NSUN6: variants seen among roughly 807,000 people sequenced by gnomAD.
NSUN6 encodes the protein NOP2/Sun RNA methyltransferase 6, also known as tRNA (cytosine(72)-C(5))-methyltransferase NSUN6.
In NSUN6, 64 loss-of-function variants were observed where a neutral mutation model predicts 58.0. The observed-to-expected ratio is 1.10, with a 90% CI of 0.90 to 1.36. The LOEUF is 1.36. Ranked by LOEUF, NSUN6 falls within the 40% of genes most tolerant of loss-of-function variation. The pLI, the probability that NSUN6 is intolerant of heterozygous loss-of-function variation, is 0.00. For missense variants in NSUN6, 701 were observed against 550.1 expected (o/e 1.27, Z -2.74); for synonymous variants, 231 against 193.9 (o/e 1.19, Z -1.59).
intron 3 of NSUN6, among the ~76,000 whole-genome samples, chr10:18,629,974 G>A (rs1033470388): frequency 4.0e-5 from 6 of 149,448 alleles, no homozygotes; most frequent in Admixed American, 2.7e-4. Flanking sequence ...CCACACCACA[G>A]CTATTCCAAA....
intron 3 of NSUN6, among the ~76,000 whole-genome samples, chr10:18,635,062 T>C (rs2059167513): frequency 1.3e-5 from 2 of 152,168 alleles, no homozygotes; most frequent in South Asian, 2.1e-4. Context: ...GCTTTCCTTT[T>C]GGGAGTCTGG....
chr10:18,606,021 A>G (rs1036430741), intron 6 of NSUN6, among the ~76,000 whole-genome samples: 11 of 152,194 alleles, frequency 7.2e-5, no homozygotes, highest in African/African-American at 2.7e-4. Flanking sequence ...TGATGGGGGA[A>G]AAAAAGAAAT....
intron 5 of NSUN6, among the ~76,000 whole-genome samples, chr10:18,612,814 T>C (rs1010889259): frequency 6.6e-6 from 1 of 152,188 alleles, no homozygotes; most frequent in Non-Finnish European, 1.5e-5. Context: ...CATATAATAA[T>C]GCAAAGTACA....
intron 3 of NSUN6, among the ~76,000 whole-genome samples, chr10:18,619,796 A>G (rs1024211017): frequency 2.0e-5 from 3 of 152,232 alleles, no homozygotes; most frequent in African/African-American, 7.2e-5. Flanking sequence ...CAGTTGATGT[A>G]AGAAACACAC....
intron 3 of NSUN6, among the ~76,000 whole-genome samples, chr10:18,624,734 G>C (rs998472033): frequency 9.3e-5 from 6 of 64,644 alleles, no homozygotes; most frequent in African/African-American, 2.9e-4. Flanking sequence ...AAAAATTAAA[G>C]TAACAGGCTT....
intron 7 of NSUN6, among the ~76,000 whole-genome samples, chr10:18,586,512 G>A (rs918178104): frequency 2.6e-5 from 4 of 151,862 alleles, no homozygotes; most frequent in Admixed American, 2.6e-4. Context: ...CCTCCGGGTG[G>A]GTTCGTGGTC....
chr10:18,650,903 T>C (rs776546265), intron 1 of NSUN6, among the ~76,000 whole-genome samples: 1 of 152,234 alleles, frequency 6.6e-6, no homozygotes, highest in Non-Finnish European at 1.5e-5. Context: ...ACATGCCTTT[T>C]TTCCCTTCTT....
chr10:18,657,179 A>G (rs1165670624), upstream of NSUN6, among the ~76,000 whole-genome samples: 1 of 152,148 alleles, frequency 6.6e-6, no homozygotes, highest in African/African-American at 2.4e-5. Context: ...CATCAGCATG[A>G]TATCTGTTTA....
intron 10 of NSUN6, among the ~76,000 whole-genome samples, chr10:18,547,735 C>T (rs1322969613): frequency 6.6e-6 from 1 of 152,022 alleles, no homozygotes; most frequent in African/African-American, 2.4e-5. Flanking sequence ...CTCATTTGAG[C>T]TTTGATGTGA....
intron 9 of NSUN6, among the ~76,000 whole-genome samples, chr10:18,549,710 GA>G (rs2133389166): frequency 6.6e-6 from 1 of 152,182 alleles, no homozygotes; most frequent in South Asian, 2.1e-4. Context: ...GGACTTGTCT[GA>G]AATACCTAAA....
intron 6 of NSUN6, among the ~76,000 whole-genome samples, chr10:18,605,121 G>A (rs1053391934): frequency 6.6e-6 from 1 of 150,684 alleles, no homozygotes; most frequent in Non-Finnish European, 1.5e-5. Context: ...TCCTGACCTC[G>A]TAATCCGCCC....
chr10:18,655,278 T>A, upstream of NSUN6: 10 of 264,024 alleles, frequency 3.8e-5, no homozygotes, highest in Non-Finnish European at 5.3e-5. Flanking sequence ...TTGACACCTC[T>A]GGTGTCAAGC....
intron 3 of NSUN6, among the ~76,000 whole-genome samples, chr10:18,632,556 C>A (rs377364837): frequency 6.6e-6 from 1 of 151,314 alleles, no homozygotes; most frequent in Non-Finnish European, 1.5e-5. Context: ...AACACATTTA[C>A]AAGAAAAAAA....
chr10:18,650,922 CTAAA>C (rs779499800), intron 1 of NSUN6, among the ~76,000 whole-genome samples: 1 of 152,184 alleles, frequency 6.6e-6, no homozygotes, highest in Non-Finnish European at 1.5e-5. Context: ...TTTTCCACTC[CTAAA>C]TGTTAAAACA....
In NSUN6 at chr10:18,575,433, G is replaced by A. The variant is rs867439630; in HGVS notation, c.922+10516C>T. On this transcript the variant is annotated intron_variant, in intron 8 of 10. Transcript: ENST00000377304. ...CTGAAGCTATCCCCATTTCAAATGC[G>A]ACAGCCAATAATGTAGTTAAGGCCC... Among the ~76,000 whole-genome samples the A allele has an allele frequency of 6.2e-4, 95 of 152,200 alleles. 1 individual carries two copies. Among genetic ancestry groups the A allele is most frequent in the African/African-American group, 2.2e-3 (90 of 41,534 alleles).
intron 3 of NSUN6, among the ~76,000 whole-genome samples, chr10:18,624,127 T>TA (rs1434341871): frequency 6.6e-6 from 1 of 151,454 alleles, no homozygotes; most frequent in Non-Finnish European, 1.5e-5. Flanking sequence ...TCAGAGAAAT[T>TA]AAAGGAAAAA....
intron 8 of NSUN6, among the ~76,000 whole-genome samples, chr10:18,577,378 T>C (rs948829161): frequency 3.9e-5 from 6 of 152,138 alleles, no homozygotes; most frequent in Non-Finnish European, 7.3e-5. Context: ...GAAAAGTGGT[T>C]CGGTAAATGG....
intron 8 of NSUN6, among the ~76,000 whole-genome samples, chr10:18,557,145 G>T (rs1395541673): frequency 1.3e-5 from 2 of 151,642 alleles, no homozygotes; most frequent in Admixed American, 1.3e-4. Context: ...ATGGAATGGG[G>T]AATGGAATGC....
rs61840806 is a variant in NSUN6 at position 18,596,313 on chromosome 10, G to C, written c.672C>G (p.Ala224=). 1 of 1,579,052 alleles carries C rather than the reference G, an allele frequency of 6.3e-7. No individual in the cohort carries two copies. Among genetic ancestry groups the C allele is most frequent in the Admixed American group, 1.7e-5 (1 of 59,702 alleles). The change falls in exon 7 of 11, where the codon GCC becomes GCG. Residue 224 remains alanine (A), a synonymous_variant. Transcript: ENST00000377304. The part of the protein sequence containing the change: ...RYLFLQNLPS[A]LVSHVLNPQP... ...GAGGATTTAGTACATGACTTACTAA[G>C]GCAGATGGCAAATTCTATAAGGAAA...
Sources: gnomAD v4.1 joint callset for allele counts (sites outside exome capture counted in the v4.1 genomes callset) on GRCh38, gnomAD v4.1.1 for gene constraint, MANE v1.5 for transcripts, NCBI Gene and HGNC (gene_info 2026-07-23, HGNC 2026-07-21) for gene names.